Variants in FRMPD3 observed in about 807,000 individuals in gnomAD.
FRMPD3 encodes FERM and PDZ domain containing 3, also known as FERM and PDZ domain-containing protein 3.
In FRMPD3, 42 loss-of-function variants were observed where a neutral mutation model predicts 97.9. That is an observed-to-expected ratio of 0.43 (90% CI 0.34 to 0.55). FRMPD3 has a LOEUF of 0.55. Ranked by LOEUF, FRMPD3 falls within the 20% of genes least tolerant of loss-of-function variation. The probability of loss-of-function intolerance (pLI) is 0.03; values close to 1 mark genes in which losing one functional copy is unlikely to be tolerated. For synonymous variants in FRMPD3, 577 were observed against 581.1 expected, an observed-to-expected ratio of 0.99 and a Z score of 0.10; for missense variants, 1,303 against 1,457.7, an observed-to-expected ratio of 0.89 and a Z score of 1.73.
chrX:107,604,432 G>T lies in FRMPD3; in HGVS notation c.*1059G>T. 8.8e-6 allele frequency: 1 copy of T among 113,148 alleles called. No individual in the cohort carries two copies. Among genetic ancestry groups the T allele is most frequent in the South Asian group, 3.4e-4 (1 of 2,985 alleles). The allele number at this position is 113,148 out of a possible 1,213,427, so 9.3% of individuals were successfully genotyped here. Reference sequence around the variant, plus strand: ...ATTTGTCTCTCTAAGAAAAGAAGCTGAGCGCCTTACCCGGTGCAGTCCTGC... The same window carrying T: ...ATTTGTCTCTCTAAGAAAAGAAGCTTAGCGCCTTACCCGGTGCAGTCCTGC... On this transcript the variant is annotated 3_prime_UTR_variant, in exon 15 of 15. Transcript: ENST00000683843.
intron 1 of FRMPD3, among the ~76,000 whole-genome samples, chrX:107,524,972 C>T (rs12834835): frequency 2.3e-4 from 17 of 75,455 alleles, no homozygotes; most frequent in Non-Finnish European, 1.8e-4. Flanking sequence ...CTCCAGCTGG[C>T]GTAACAGAGG....
At chrX:107,452,920 G>A (rs993139730) in intron 1 of FRMPD3, among the ~76,000 whole-genome samples, 3 of 108,766 alleles carry the variant, frequency 2.8e-5, no homozygotes, top group African/African-American at 1.0e-4. Flanking sequence ...TGGGGGTGGG[G>A]GTGGGTAACA....
rs1924493381 is a variant in FRMPD3 at position 107,601,293 on chromosome X, G to A, written c.3254G>A (p.Gly1085Asp). 8.3e-7 allele frequency: 1 copy of A among 1,208,386 alleles called. No individual in the cohort carries two copies. Among genetic ancestry groups the A allele is most frequent in the Non-Finnish European group, 1.1e-6 (1 of 893,555 alleles). The change falls in exon 15 of 15, where the codon GGC (glycine) becomes GAC (aspartate). Residue 1085 changes from glycine (G) to aspartate (D), a missense_variant. Gly to Asp is a moderately conservative substitution (Grantham distance 94). Around this residue, in one of 3 missense-constraint regions of FRMPD3, gnomAD observed 764 missense variants for 820.2 expected, o/e 0.93. Transcript: ENST00000683843. ...KQATGEVAGKGGPVGGKPTLQ... is the reference protein window; with the variant it reads ...KQATGEVAGKDGPVGGKPTLQ... Reference sequence around the variant, plus strand: ...GCTACAGGGGAGGTGGCAGGCAAAGGCGGGCCAGTGGGTGGTAAGCCCACC... The same window carrying A: ...GCTACAGGGGAGGTGGCAGGCAAAGACGGGCCAGTGGGTGGTAAGCCCACC...
intron 13 of FRMPD3, among the ~76,000 whole-genome samples, chrX:107,591,767 T>G (rs1407585976): frequency 1.8e-5 from 2 of 111,456 alleles, no homozygotes; most frequent in African/African-American, 6.5e-5. Context: ...TGTTTTTAAT[T>G]TTTGTGTGTA....
intron 8 of FRMPD3, among the ~76,000 whole-genome samples, chrX:107,558,689 T>C (rs192631692): frequency 9.0e-6 from 1 of 111,488 alleles, no homozygotes; most frequent in African/African-American, 3.3e-5. Flanking sequence ...GCATTTTTAT[T>C]TTAGTTTAGT....
chrX:107,530,013 C>G (rs1364234747), intron 2 of FRMPD3, among the ~76,000 whole-genome samples: 1 of 112,281 alleles, frequency 8.9e-6, no homozygotes, highest in East Asian at 2.8e-4. Context: ...CTTTCTGGGG[C>G]TCCCAAAAGC....
intron 1 of FRMPD3, among the ~76,000 whole-genome samples, chrX:107,506,221 G>A (rs763241204): frequency 1.5e-3 from 168 of 112,139 alleles, no homozygotes; most frequent in African/African-American, 5.0e-3. Context: ...AAGAGGGATG[G>A]CCACTCCCTG....
At chrX:107,530,271 ACAC>A in intron 2 of FRMPD3, 135 bp from the exon 3 acceptor site, 1 of 480,311 alleles carries the variant, frequency 2.1e-6, no homozygotes, top group Non-Finnish European at 3.7e-6. Context: ...AGCACCCTCT[ACAC>A]CACCACAGCT....
intron 4 of FRMPD3, among the ~76,000 whole-genome samples, chrX:107,539,336 C>G (rs1409863511): frequency 1.8e-5 from 2 of 112,054 alleles, no homozygotes; most frequent in Non-Finnish European, 3.8e-5. Context: ...AAGGGTATTC[C>G]TTAATCTTTG....
Position 107,597,470 on chromosome X carries a change from C to T in FRMPD3, c.1591C>T (p.Leu531Phe), listed in dbSNP as rs760469997. 15 of 1,209,250 alleles carry T rather than the reference C, an allele frequency of 1.2e-5. No individual in the cohort carries two copies. In the East Asian group the frequency reaches 4.4e-4, roughly 36 times the overall value. The part of the protein sequence containing the change: ...ADSELVSFCY[L>F]HMREQRKEQE... ...CTCTGAGCTTGTCAGCTTCTGCTAC[C>T]TCCATATGCGGGAACAAAGGAAGGA... Residue 531 changes from leucine (L) to phenylalanine (F), a missense_variant, in exon 14 of 15, where the codon CTC becomes TTC. Around this residue, in one of 3 missense-constraint regions of FRMPD3, gnomAD observed 535 missense variants for 618.6 expected, o/e 0.86. Transcript: ENST00000683843.
intron 13 of FRMPD3, among the ~76,000 whole-genome samples, chrX:107,587,973 C>A (rs1250433374): frequency 9.0e-6 from 1 of 110,586 alleles, no homozygotes; most frequent in Non-Finnish European, 1.9e-5. Context: ...GAGAGTTTCA[C>A]CATGTTGGCT....
intron 2 of FRMPD3, among the ~76,000 whole-genome samples, chrX:107,529,576 C>T (rs1349200498): frequency 9.1e-6 from 1 of 110,071 alleles, no homozygotes; most frequent in Non-Finnish European, 1.9e-5. Flanking sequence ...CAGAGTAAGA[C>T]TCCATCTCAA....
intron 1 of FRMPD3, among the ~76,000 whole-genome samples, chrX:107,514,293 T>C (rs887630506): frequency 1.3e-4 from 14 of 111,496 alleles, no homozygotes; most frequent in African/African-American, 4.6e-4. Flanking sequence ...TCGCTTGCAG[T>C]AGGAAATGTC....
intron 1 of FRMPD3, among the ~76,000 whole-genome samples, chrX:107,515,446 A>G (rs773280474): frequency 9.0e-6 from 1 of 111,493 alleles, no homozygotes; most frequent in African/African-American, 3.3e-5. Flanking sequence ...ATGGAGGCCA[A>G]TGCGGACCTT....
intron 4 of FRMPD3, among the ~76,000 whole-genome samples, chrX:107,543,574 G>A (rs1228604095): frequency 9.0e-6 from 1 of 110,850 alleles, no homozygotes; most frequent in African/African-American, 3.3e-5. Flanking sequence ...CCAGCACTTT[G>A]GGAGGCCGAA....
chrX:107,480,136 G>A (rs1237384546), intron 1 of FRMPD3, among the ~76,000 whole-genome samples: 2 of 111,223 alleles, frequency 1.8e-5, no homozygotes, highest in Non-Finnish European at 3.8e-5. Flanking sequence ...GGGAAGAAAA[G>A]AAATTCTTAA....
rs150774099 is a variant in FRMPD3 at position 107,591,301 on chromosome X, G to A, written c.1442-6020G>A. ...GCCTCCCAAGTAGCTGGGATTACAA[G>A]TATGTGCCACCATGCCCAGCTAATT... is the stretch of plus-strand genomic sequence containing the variant. On this transcript the variant is annotated intron_variant, in intron 13 of 14. Coordinates refer to ENST00000683843, the MANE Select transcript of FRMPD3 (RefSeq NM_001388459.1). Among the ~76,000 whole-genome samples the A allele has an allele frequency of 7.1e-3, 785 of 110,458 alleles. 8 individuals carry two copies. The highest frequency in any genetic ancestry group is 0.024 in the African/African-American group (728 of 30,423).
At chrX:107,457,045 C>T (rs1206965930) in intron 1 of FRMPD3, among the ~76,000 whole-genome samples, 3 of 110,928 alleles carry the variant, frequency 2.7e-5, no homozygotes, top group East Asian at 5.6e-4. Context: ...CAATTGAATG[C>T]GTGGGGTGAG....
At chrX:107,575,293 A>G (rs1409051128) in intron 12 of FRMPD3, among the ~76,000 whole-genome samples, 2 of 112,182 alleles carry the variant, frequency 1.8e-5, no homozygotes, top group African/African-American at 6.5e-5. Flanking sequence ...GTGCACAACT[A>G]TATATTAAAG....
Sources: allele counts gnomAD v4.1 joint callset (sites outside exome capture counted in the v4.1 genomes callset), GRCh38; gene constraint gnomAD v4.1.1; regional missense constraint gnomAD v4.1.1; transcripts MANE v1.5; gene names NCBI Gene and HGNC (gene_info 2026-07-23, HGNC 2026-07-21).